ARK2C: variants seen among roughly 807,000 people sequenced by gnomAD.
ARK2C encodes the protein E3 ubiquitin-protein ligase ARK2C.
At chr18:46,352,592 G>A in the ARK2C span, among the ~76,000 whole-genome samples, 1 of 152,096 alleles carries the variant, frequency 6.6e-6, no homozygotes, top group Non-Finnish European at 1.5e-5. Context: ...CCCTCCCTAG[G>A]ATATGGCCCT....
chr18:46,433,248 G>A, the ARK2C span: 4 of 1,607,816 alleles, frequency 2.5e-6, no homozygotes, highest in Non-Finnish European at 3.4e-6. Context: ...ACTTCCACCT[G>A]GGCCCCCCGC....
At chr18:46,353,201 G>T in the ARK2C span, among the ~76,000 whole-genome samples, 3 of 152,270 alleles carry the variant, frequency 2.0e-5, no homozygotes, top group African/African-American at 7.2e-5. Flanking sequence ...GATGATGTCT[G>T]TGAAGTGCTC....
the ARK2C span, among the ~76,000 whole-genome samples, chr18:46,367,251 T>C: frequency 1.3e-5 from 2 of 152,210 alleles, no homozygotes; most frequent in Non-Finnish European, 2.9e-5. Flanking sequence ...CTGGCTGTCA[T>C]ACCTGGCTTT....
chr18:46,347,451 GGAAA>G, the ARK2C span, among the ~76,000 whole-genome samples: 1,329 of 152,246 alleles, frequency 8.7e-3, 12 homozygotes, highest in Non-Finnish European at 0.014. Flanking sequence ...TGCCGCCCCT[GGAAA>G]GAGAGTCACG....
chr18:46,447,292 T>A, the ARK2C span, among the ~76,000 whole-genome samples: 3 of 152,188 alleles, frequency 2.0e-5, no homozygotes, highest in Non-Finnish European at 4.4e-5. Flanking sequence ...ATGGACTTTG[T>A]CTTGGGAGGG....
chr18:46,428,853 T>G, the ARK2C span, among the ~76,000 whole-genome samples: 1 of 152,260 alleles, frequency 6.6e-6, no homozygotes, highest in Non-Finnish European at 1.5e-5. Flanking sequence ...AAATTCCCTG[T>G]GTGGCCCACA....
chr18:46,408,304 T>TG, the ARK2C span, among the ~76,000 whole-genome samples: 3 of 152,260 alleles, frequency 2.0e-5, no homozygotes, highest in African/African-American at 7.2e-5. Context: ...GATGGGCATC[T>TG]GCCAAGGAGT....
At chr18:46,437,470 A>C in the ARK2C span, among the ~76,000 whole-genome samples, 1,046 of 152,134 alleles carry the variant, frequency 6.9e-3, 9 homozygotes, top group Non-Finnish European at 0.01. Context: ...TGCATCCCCT[A>C]TCCCCTTTAG....
At chr18:46,357,078 T>A in the ARK2C span, among the ~76,000 whole-genome samples, 14 of 152,244 alleles carry the variant, frequency 9.2e-5, no homozygotes, top group Non-Finnish European at 2.1e-4. Flanking sequence ...GAGGTAGGAA[T>A]CTGTATTCTT....
chr18:46,391,028 T>C, the ARK2C span, among the ~76,000 whole-genome samples: 1 of 152,228 alleles, frequency 6.6e-6, no homozygotes, highest in African/African-American at 2.4e-5. Flanking sequence ...TTAATAATGA[T>C]GTAAAAGTCT....
the ARK2C span, among the ~76,000 whole-genome samples, chr18:46,441,878 A>G: frequency 2.2e-4 from 14 of 63,416 alleles, no homozygotes; most frequent in African/African-American, 9.0e-4. Flanking sequence ...AAAAAAAAAA[A>G]AAGAGGCCGG....
At chr18:46,400,107 A>G in the ARK2C span, among the ~76,000 whole-genome samples, 8 of 152,050 alleles carry the variant, frequency 5.3e-5, no homozygotes, top group African/African-American at 1.2e-4. Context: ...GCTTGGCTTC[A>G]TTTCTCCTGG....
At chr18:46,336,878 A>G in the ARK2C span, 5 of 985,278 alleles carry the variant, frequency 5.1e-6, no homozygotes, top group South Asian at 4.7e-5. Context: ...TGTTAAACAT[A>G]TGTATTAAAA....
chr18:46,351,738 G>A, the ARK2C span, among the ~76,000 whole-genome samples: 2 of 152,262 alleles, frequency 1.3e-5, no homozygotes, highest in Non-Finnish European at 2.9e-5. Flanking sequence ...GGAAACAGAG[G>A]CCTAGGTTTA....
the ARK2C span, chr18:46,335,845 A>G: frequency 5.3e-6 from 5 of 949,876 alleles, no homozygotes; most frequent in Non-Finnish European, 6.3e-6. Flanking sequence ...TAGAATGATG[A>G]CATTCTGCAT....
chr18:46,348,099 T>G, the ARK2C span, among the ~76,000 whole-genome samples: 594 of 152,128 alleles, frequency 3.9e-3, 3 homozygotes, highest in African/African-American at 0.013. Flanking sequence ...AGGTATGTGC[T>G]GGGTGTTCTC....
At chr18:46,453,720 G>A in the ARK2C span, among the ~76,000 whole-genome samples, 2 of 151,780 alleles carry the variant, frequency 1.3e-5, no homozygotes, top group Non-Finnish European at 2.9e-5. Context: ...AAATAGTAAT[G>A]ATGTAAGAAT....
At chr18:46,348,900 CTGTGTGTGTGTGTGTGTGTGTG>C in the ARK2C span, among the ~76,000 whole-genome samples, 4 of 144,694 alleles carry the variant, frequency 2.8e-5, no homozygotes, top group South Asian at 2.3e-4. Context: ...CTCTCTCTTT[CTGTGTGTGTGTGTGTGTGTGTG>C]TGTGTGTGTG....
chr18:46,367,776 G>T, the ARK2C span, among the ~76,000 whole-genome samples: 1 of 152,206 alleles, frequency 6.6e-6, no homozygotes, highest in Non-Finnish European at 1.5e-5. Context: ...TTAGGTTAGA[G>T]GTATGGCTCT....
Sources: gnomAD v4.1 joint callset for allele counts (sites outside exome capture counted in the v4.1 genomes callset) on GRCh38, gnomAD v4.1.1 for gene constraint, MANE v1.5 for transcripts, NCBI Gene and HGNC (gene_info 2026-07-23, HGNC 2026-07-21) for gene names.